The following NSD3 variants were observed in gnomAD, a reference collection of about 807,000 sequenced individuals.
NSD3 encodes nuclear receptor binding SET domain protein 3.
A neutral mutation model predicts 160.8 loss-of-function variants in NSD3; 24 were observed. The ratio of observed to expected loss-of-function variants is 0.15; its 90% CI spans 0.11 to 0.21. NSD3 has a LOEUF of 0.21. Ranked by LOEUF, NSD3 falls within the 10% of genes least tolerant of loss-of-function variation. NSD3 has a pLI of 1.00. For missense variants in NSD3, 1,157 were observed against 1,735.9 expected (o/e 0.67, Z 5.93); for synonymous variants, 520 against 600.0 (o/e 0.87, Z 1.95).
At chr8:38,339,404 T>C (rs1031996196) in intron 2 of NSD3, among the ~76,000 whole-genome samples, 8 of 152,130 alleles carry the variant, frequency 5.3e-5, no homozygotes, top group South Asian at 2.1e-4. Flanking sequence ...ATGCATACCA[T>C]TGCTACTTAC....
chr8:38,348,068 T>C lies in NSD3; in HGVS notation c.104A>G (p.Asp35Gly), dbSNP rs752759666. 1 of 1,614,082 alleles carries C rather than the reference T, an allele frequency of 6.2e-7. No homozygotes were observed. Among genetic ancestry groups the C allele is most frequent in the African/African-American group, 1.3e-5 (1 of 74,926 alleles). ...ATCTTCAGCAATGTCACTGTTGTTA[T>C]CAAAGGCATCCTCCTGACGGATGTT... ...SANIRQEDAF[D>G]NNSDIAEDGG... is the part of the protein sequence containing the mutation. The change falls in exon 2 of 24, where the codon GAT (aspartate) becomes GGT (glycine). Residue 35 changes from aspartate to glycine, a missense_variant. Physicochemically the swap from Asp to Gly is moderately conservative, Grantham distance 94. Transcript: ENST00000317025.
In NSD3 at chr8:38,314,747, CAG is replaced by C; in HGVS notation, c.2140_2141del (p.Leu714AspfsTer4). The C allele has an allele frequency of 6.2e-7, 1 of 1,614,118 alleles. No homozygotes were observed. The highest frequency in any genetic ancestry group is 8.5e-7 in the Non-Finnish European group (1 of 1,180,008). Reference sequence around the variant, plus strand: ...TGCAGCACTCTCCCTCACAAGGAATCAGAGAGTCACCAGAGCTTTCACAAATC... The same window carrying C: ...TGCAGCACTCTCCCTCACAAGGAATCAGAGTCACCAGAGCTTTCACAAATC... ...CQICESSGDS[L>X]IPCEGECCKH... On this transcript the variant is annotated frameshift_variant, in exon 12 of 24. Coordinates refer to ENST00000317025, the MANE Select transcript of NSD3 (RefSeq NM_023034.2). LOFTEE classifies it high-confidence loss of function.
chr8:38,354,502 T>C (rs555039178), intron 1 of NSD3, among the ~76,000 whole-genome samples: 1 of 152,352 alleles, frequency 6.6e-6, no homozygotes, highest in African/African-American at 2.4e-5. Flanking sequence ...ATAATGCTAT[T>C]CTGTTTATAT....
chr8:38,320,949 C>T (rs1187431793), intron 8 of NSD3, 123 bp downstream of exon 8: 14 of 852,448 alleles, frequency 1.6e-5, no homozygotes, highest in African/African-American at 5.1e-5. Flanking sequence ...AGGACAGAAG[C>T]GTTAAGATAG....
intron 1 of NSD3, among the ~76,000 whole-genome samples, chr8:38,369,102 A>G (rs1811174923): frequency 6.6e-6 from 1 of 152,202 alleles, no homozygotes; most frequent in Non-Finnish European, 1.5e-5. Context: ...ATAATAATTT[A>G]CTAAGTTTAT....
intron 21 of NSD3, among the ~76,000 whole-genome samples, chr8:38,278,951 A>G (rs574809511): frequency 6.6e-6 from 1 of 152,376 alleles, no homozygotes; most frequent in Non-Finnish European, 1.5e-5. Context: ...AACACAGTTT[A>G]AATCTGTTTT....
intron 5 of NSD3, among the ~76,000 whole-genome samples, chr8:38,330,352 C>T (rs1810027852): frequency 6.6e-6 from 1 of 152,024 alleles, no homozygotes; most frequent in Non-Finnish European, 1.5e-5. Flanking sequence ...GTTTGAACCA[C>T]AATGCATGCA....
At chr8:38,314,572 A>G (rs1360565033) in intron 12 of NSD3, 75 bp downstream of exon 12, 1 of 1,594,406 alleles carries the variant, frequency 6.3e-7, no homozygotes, top group Non-Finnish European at 8.6e-7. Context: ...AAGATGTCCT[A>G]GGAGAGGTTG....
chr8:38,312,871 T>TG (rs1809567376), intron 12 of NSD3, among the ~76,000 whole-genome samples: 2 of 152,304 alleles, frequency 1.3e-5, no homozygotes, highest in East Asian at 3.9e-4. Flanking sequence ...TTTATAGCAA[T>TG]GCAAGAAGTC....
chr8:38,295,519 C>T (rs1341001092), intron 16 of NSD3, among the ~76,000 whole-genome samples: 1 of 152,164 alleles, frequency 6.6e-6, no homozygotes, highest in African/African-American at 2.4e-5. Flanking sequence ...TGCGATACCA[C>T]TGCACTCCAG....
At chr8:38,304,455 C>A in intron 14 of NSD3, 132 bp downstream of exon 14, 2 of 725,264 alleles carry the variant, frequency 2.8e-6, no homozygotes, top group Non-Finnish European at 4.3e-6. Context: ...GGATATATTA[C>A]AGTGGAATTC....
At chr8:38,313,243 T>C (rs1351971154) in intron 12 of NSD3, among the ~76,000 whole-genome samples, 1 of 152,088 alleles carries the variant, frequency 6.6e-6, no homozygotes. Context: ...GAATGTGTAT[T>C]GGGATATATG....
intron 19 of NSD3, among the ~76,000 whole-genome samples, chr8:38,282,015 A>G (rs1158548652): frequency 7.9e-5 from 12 of 152,228 alleles, no homozygotes; most frequent in Non-Finnish European, 1.5e-5. Context: ...TGACATTCAG[A>G]GGAAGTGGCA....
chr8:38,282,419 C>T (rs1808751467), intron 19 of NSD3, among the ~76,000 whole-genome samples: 1 of 152,248 alleles, frequency 6.6e-6, no homozygotes, highest in Admixed American at 6.5e-5. Flanking sequence ...GCCTGTAATC[C>T]CAGCACTTTG....
intron 19 of NSD3, among the ~76,000 whole-genome samples, chr8:38,286,526 T>C (rs1563342660): frequency 6.6e-6 from 1 of 152,192 alleles, no homozygotes; most frequent in Non-Finnish European, 1.5e-5. Flanking sequence ...CCATATTAAC[T>C]GTGAGATAAT....
rs1258655863 is a variant in NSD3, at chr8:38,321,826, T to A, written c.1709-654A>T. Among the ~76,000 whole-genome samples the A allele has an allele frequency of 6.6e-6, 1 of 152,252 alleles. No homozygotes were observed. Among genetic ancestry groups the A allele is most frequent in the Non-Finnish European group, 1.5e-5 (1 of 68,040 alleles). ...TGAAACAAATTATCAAGCTTTTTCATGTTAAATGGTAAAACAAACTATTAA... is the reference window on the plus strand; with the variant it reads ...TGAAACAAATTATCAAGCTTTTTCAAGTTAAATGGTAAAACAAACTATTAA... On this transcript the variant is annotated intron_variant, in intron 7 of 23. Transcript: ENST00000317025. This position sits in a 1 kb window ranked among gnomAD's most constrained non-coding sequence, Gnocchi z 4.7.
chr8:38,343,539 C>CTAAAAA (rs1370596881), intron 2 of NSD3, among the ~76,000 whole-genome samples: 1 of 152,016 alleles, frequency 6.6e-6, no homozygotes, highest in Non-Finnish European at 1.5e-5. Flanking sequence ...CCCATCTCTA[C>CTAAAAA]TAAAAATACA....
intron 1 of NSD3, among the ~76,000 whole-genome samples, chr8:38,373,158 A>C (rs1811298731): frequency 6.6e-6 from 1 of 152,098 alleles, no homozygotes. Context: ...CAGCTAAACC[A>C]ATGAGGTTGT....
Position 38,270,064 on chromosome 8 carries a change from C to CT in NSD3, c.*5576dup, listed in dbSNP as rs1808389939. 2 of 152,296 alleles carry CT rather than the reference C, an allele frequency of 1.3e-5. No individual in the cohort carries two copies. The highest frequency in any genetic ancestry group is 4.1e-4 in the South Asian group (2 of 4,822). 9.4% of individuals were successfully genotyped at this position (152,296 alleles called of 1,614,324 possible). On this transcript the variant is annotated 3_prime_UTR_variant, in exon 24 of 24. Coordinates refer to ENST00000317025, the MANE Select transcript of NSD3 (RefSeq NM_023034.2). Reference sequence around the variant, plus strand: ...CTCAAAATATTATATATCTTGAAGTCTATGTGGCAACATCAAGTCATTATA... The same window carrying CT: ...CTCAAAATATTATATATCTTGAAGTCTTATGTGGCAACATCAAGTCATTATA...
Sources: allele counts gnomAD v4.1 joint callset (sites outside exome capture counted in the v4.1 genomes callset), GRCh38; gene constraint gnomAD v4.1.1; non-coding constraint Gnocchi (gnomAD v3.1); transcripts MANE v1.5; gene names NCBI Gene and HGNC (gene_info 2026-07-23, HGNC 2026-07-21).